The following PRH1 variants were observed in gnomAD, a reference collection of about 807,000 sequenced individuals.
The protein encoded by PRH1 is salivary acidic proline-rich phosphoprotein 1/2.
Under a neutral mutation model 7.9 loss-of-function variants are expected in PRH1, and 7 were observed. The ratio of observed to expected loss-of-function variants is 0.89; its 90% CI spans 0.50 to 1.67. The LOEUF is 1.67. Among genes scored for constraint, PRH1 ranks in the 40% most tolerant of loss-of-function variants. The probability of loss-of-function intolerance (pLI) is 0.00; values close to 1 mark genes in which losing one functional copy is unlikely to be tolerated. For missense variants in PRH1, 109 were observed against 223.6 expected (o/e 0.49, Z 3.27); for synonymous variants, 45 against 80.8 (o/e 0.56, Z 2.38).
chr12:11,132,594 C>G (rs1192737803), intron 1 of PRH1, among the ~76,000 whole-genome samples: 1 of 33,586 alleles, frequency 3.0e-5, no homozygotes, highest in Middle Eastern at 0.024. Flanking sequence ...TTTCATCCCT[C>G]TTATAGCAGA....
intron 2 of PRH1, among the ~76,000 whole-genome samples, chr12:10,962,501 C>A (rs1208615726): frequency 1.3e-5 from 2 of 152,314 alleles, no homozygotes; most frequent in Admixed American, 6.5e-5. Context: ...ATTTCCCCTG[C>A]AAGTATGGAA....
At chr12:11,162,848 C>T (rs1352616634) in intron 1 of PRH1, among the ~76,000 whole-genome samples, 3 of 152,138 alleles carry the variant, frequency 2.0e-5, no homozygotes, top group Admixed American at 6.5e-5. Flanking sequence ...CCTGGGCAAC[C>T]ATGGAAAAAT....
At chr12:10,900,813 T>C (rs1949712177) in intron 2 of PRH1, among the ~76,000 whole-genome samples, 1 of 152,074 alleles carries the variant, frequency 6.6e-6, no homozygotes, top group Non-Finnish European at 1.5e-5. Flanking sequence ...GCAGAGATCC[T>C]AGAATAGGGA....
At position 10,961,431 on chromosome 12, in the gene PRH1, T is replaced by C. The variant is rs1248613155; in HGVS notation, c.-59+12224A>G. On this transcript the variant is annotated intron_variant, in intron 2 of 3. Transcript: ENST00000539853. ...AGACTAATGATTGCCCCTCTAAGCA[T>C]GAGCGCCTCTAAGCACAAGACCCTG... 1.3e-5 allele frequency among the ~76,000 whole-genome samples: 2 copies of C among 151,000 alleles called. 1 individual carries two copies. The highest frequency in any genetic ancestry group is 5.0e-5 in the African/African-American group (2 of 40,306).
chr12:11,069,563 A>G (rs1215504861), intron 1 of PRH1, among the ~76,000 whole-genome samples: 2 of 152,216 alleles, frequency 1.3e-5, no homozygotes, highest in Non-Finnish European at 2.9e-5. Flanking sequence ...AACTACGTTC[A>G]ATGTGGCTAA....
intron 1 of PRH1, among the ~76,000 whole-genome samples, chr12:11,032,656 C>A (rs1242132491): frequency 6.6e-6 from 1 of 152,176 alleles, no homozygotes; most frequent in Non-Finnish European, 1.5e-5. Context: ...TTATCAAAAA[C>A]ATTATCTCTA....
chr12:11,067,214 A>G (rs1943861436), intron 1 of PRH1, among the ~76,000 whole-genome samples: 2 of 152,170 alleles, frequency 1.3e-5, no homozygotes, highest in African/African-American at 4.8e-5. Flanking sequence ...TTTTTCTCCA[A>G]TGCAGAATCA....
chr12:11,113,941 A>C (rs946082797), intron 1 of PRH1, among the ~76,000 whole-genome samples: 6 of 152,222 alleles, frequency 3.9e-5, no homozygotes, highest in African/African-American at 1.2e-4. Flanking sequence ...GAGAAATGCA[A>C]ATCAAAACCA....
chr12:10,959,452 T>C (rs533305808), intron 2 of PRH1, among the ~76,000 whole-genome samples: 1 of 152,110 alleles, frequency 6.6e-6, no homozygotes, highest in South Asian at 2.1e-4. Flanking sequence ...AAGTGGGAGT[T>C]AAAAGAGAAG....
At chr12:11,058,293 T>C (rs190011689) in intron 1 of PRH1, among the ~76,000 whole-genome samples, 27 of 152,236 alleles carry the variant, frequency 1.8e-4, no homozygotes, top group Middle Eastern at 3.4e-3. Flanking sequence ...ATTCTTAATA[T>C]TGTAAAATAC....
At chr12:10,909,482 C>G (rs1399332876) in intron 2 of PRH1, 2 of 573,718 alleles carry the variant, frequency 3.5e-6, no homozygotes, top group African/African-American at 3.8e-5. Context: ...CTTCACATAA[C>G]TGTTCTGGTG....
At chr12:11,028,404 A>T (rs1352966473) in intron 1 of PRH1, among the ~76,000 whole-genome samples, 1 of 152,136 alleles carries the variant, frequency 6.6e-6, no homozygotes, top group Non-Finnish European at 1.5e-5. Flanking sequence ...CTCTCACCTC[A>T]CTGTGAAGTG....
At chr12:11,170,416 G>A (rs34413287) in intron 1 of PRH1, among the ~76,000 whole-genome samples, 43,984 of 151,970 alleles carry the variant, frequency 0.29, 8,225 homozygotes, top group East Asian at 0.74. Flanking sequence ...GCATGGTGGC[G>A]GGCGCCTGTA....
intron 1 of PRH1, among the ~76,000 whole-genome samples, chr12:11,032,529 T>C (rs1942270071): frequency 6.6e-6 from 1 of 152,214 alleles, no homozygotes; most frequent in Non-Finnish European, 1.5e-5. Flanking sequence ...CACTTATGAA[T>C]GGAACAAATT....
intron 2 of PRH1, among the ~76,000 whole-genome samples, chr12:10,928,118 G>A (rs774153543): frequency 6.6e-6 from 1 of 152,072 alleles, no homozygotes; most frequent in African/African-American, 2.4e-5. Flanking sequence ...AATTACAAAC[G>A]ACAAGGTAGT....
chr12:10,993,719 G>A (rs959281844), intron 1 of PRH1, among the ~76,000 whole-genome samples: 8 of 152,166 alleles, frequency 5.3e-5, no homozygotes, highest in Non-Finnish European at 1.0e-4. Context: ...GGTCTCAAGT[G>A]GAACTAGAAC....
intron 2 of PRH1, among the ~76,000 whole-genome samples, chr12:10,934,608 A>G (rs541025471): frequency 9.3e-4 from 135 of 144,536 alleles, no homozygotes; most frequent in African/African-American, 3.2e-3. Context: ...ATGTGCAGTT[A>G]ATTTCTTCCT....
intron 2 of PRH1, among the ~76,000 whole-genome samples, chr12:10,939,686 G>C (rs1300355455): frequency 6.6e-6 from 1 of 151,868 alleles, no homozygotes; most frequent in African/African-American, 2.4e-5. Context: ...TGTTTGGGTG[G>C]AGAAAAATGG....
intron 2 of PRH1, among the ~76,000 whole-genome samples, chr12:10,913,220 G>A (rs894399807): frequency 1.7e-4 from 26 of 152,172 alleles, no homozygotes; most frequent in African/African-American, 3.9e-4. Context: ...TTGGGAGGCC[G>A]AGGCGGGTGG....
Sources: allele counts gnomAD v4.1 joint callset (sites outside exome capture counted in the v4.1 genomes callset), GRCh38; gene constraint gnomAD v4.1.1; transcripts MANE v1.5; gene names NCBI Gene and HGNC (gene_info 2026-07-23, HGNC 2026-07-21).